SLAMF1: variants seen among roughly 807,000 people sequenced by gnomAD.
The protein encoded by SLAMF1 is signaling lymphocytic activation molecule.
SLAMF1 carries 18 observed loss-of-function variants against 35.1 expected under a neutral mutation model. The observed-to-expected ratio is 0.51, with a 90% CI of 0.35 to 0.76. The LOEUF (loss-of-function observed/expected upper bound fraction) is 0.76. SLAMF1 is among the 30% of genes least tolerant of loss of function. SLAMF1 has a pLI of 0.01. For synonymous variants in SLAMF1, 168 were observed against 157.2 expected (o/e 1.07, Z -0.51); for missense variants, 392 against 413.0 (o/e 0.95, Z 0.44).
chr1:160,642,972 G>A lies in SLAMF1; in HGVS notation c.76+3898C>T, dbSNP rs920266952. Among the ~76,000 whole-genome samples the A allele has an allele frequency of 1.3e-5, 2 of 152,148 alleles. No homozygotes were observed. The highest frequency in any genetic ancestry group is 6.5e-5 in the Admixed American group (1 of 15,280). Reference sequence around the variant, plus strand: ...TTTTTATTAACTTTATCCCAAATGTGCACATGAGATATACTGGATTAGAGT... The same window carrying A: ...TTTTTATTAACTTTATCCCAAATGTACACATGAGATATACTGGATTAGAGT... On this transcript the variant is annotated intron_variant, in intron 1 of 6. Transcript: ENST00000302035. The surrounding 1 kb of genome is among the most constrained non-coding windows in gnomAD (Gnocchi z 4.2).
At chr1:160,617,437 T>A (rs1333596375) in intron 5 of SLAMF1, among the ~76,000 whole-genome samples, 1 of 152,184 alleles carries the variant, frequency 6.6e-6, no homozygotes. Context: ...CCATCAATAG[T>A]CAACTGGATA....
intron 3 of SLAMF1, among the ~76,000 whole-genome samples, chr1:160,627,111 AC>A (rs1283820636): frequency 1.3e-5 from 2 of 152,198 alleles, no homozygotes; most frequent in Non-Finnish European, 2.9e-5. Context: ...TTCTGGGTCT[AC>A]CACTTGATAG....
chr1:160,615,781 G>A (rs757145234), intron 5 of SLAMF1: 4 of 296,766 alleles, frequency 1.3e-5, no homozygotes, highest in African/African-American at 2.3e-5. Flanking sequence ...TATAAGAGAT[G>A]GAAAAGAAGA....
intron 3 of SLAMF1, among the ~76,000 whole-genome samples, chr1:160,631,243 A>G (rs1292738416): frequency 6.6e-6 from 1 of 152,208 alleles, no homozygotes; most frequent in Non-Finnish European, 1.5e-5. Context: ...AATCTGGTAT[A>G]CTGCGCAGGG....
At position 160,610,574 on chromosome 1, in the gene SLAMF1, T is replaced by C; in HGVS notation, c.*174A>G. ...AAGCTAAATTCTTGGGAAGCCTCAC[T>C]TCCTTGTTCATTTCACAGATGTATG... On this transcript the variant is annotated 3_prime_UTR_variant, in exon 7 of 7. Coordinates refer to ENST00000302035, the MANE Select transcript of SLAMF1 (RefSeq NM_003037.5). The C allele has an allele frequency of 1.6e-6, 1 of 620,496 alleles. No homozygotes were observed. Among genetic ancestry groups the C allele is most frequent in the South Asian group, 1.9e-5 (1 of 52,660 alleles). The allele number at this position is 620,496 out of a possible 1,614,324, so 38.4% of individuals were successfully genotyped here.
chr1:160,620,789 A>G (rs1256674359), intron 4 of SLAMF1, among the ~76,000 whole-genome samples: 1 of 152,246 alleles, frequency 6.6e-6, no homozygotes, highest in Non-Finnish European at 1.5e-5. Flanking sequence ...AATGTTCCAT[A>G]TCTGCAGTGT....
intron 6 of SLAMF1, among the ~76,000 whole-genome samples, chr1:160,611,026 G>A (rs531324510): frequency 1.4e-4 from 21 of 152,330 alleles, no homozygotes; most frequent in Admixed American, 5.2e-4. Flanking sequence ...CTATTATGGG[G>A]AGCATGATCT....
At chr1:160,643,930 T>C (rs1424635524) in intron 1 of SLAMF1, among the ~76,000 whole-genome samples, 1 of 152,202 alleles carries the variant, frequency 6.6e-6, no homozygotes, top group East Asian at 1.9e-4. Flanking sequence ...GGGAAATTAG[T>C]CTTCACTAAA....
At chr1:160,628,147 C>T (rs368020402) in intron 3 of SLAMF1, among the ~76,000 whole-genome samples, 3 of 152,186 alleles carry the variant, frequency 2.0e-5, no homozygotes, top group African/African-American at 7.2e-5. Flanking sequence ...TCTTTATTGG[C>T]AGGATGAGAG....
intron 5 of SLAMF1, among the ~76,000 whole-genome samples, chr1:160,616,302 T>C (rs1350257538): frequency 1.3e-5 from 2 of 152,048 alleles, no homozygotes; most frequent in African/African-American, 4.8e-5. Context: ...TTAAGGACAT[T>C]TGAAATATTT....
chr1:160,615,497 A>G (rs991956315), intron 5 of SLAMF1, among the ~76,000 whole-genome samples: 2 of 152,208 alleles, frequency 1.3e-5, no homozygotes, highest in Non-Finnish European at 2.9e-5. Flanking sequence ...TTTCCACCAA[A>G]GAAACCCCAG....
intron 5 of SLAMF1, among the ~76,000 whole-genome samples, chr1:160,618,248 C>T (rs1659417538): frequency 6.6e-6 from 1 of 151,942 alleles, no homozygotes; most frequent in Non-Finnish European, 1.5e-5. Context: ...AAAACTTTTG[C>T]AGAAAAACAA....
chr1:160,643,353 T>C (rs951804804), intron 1 of SLAMF1, among the ~76,000 whole-genome samples: 1 of 152,304 alleles, frequency 6.6e-6, no homozygotes, highest in East Asian at 1.9e-4. Context: ...CACAAGCTTA[T>C]GCTGGCCTGC....
At chr1:160,644,485 G>T (rs1190042198) in intron 1 of SLAMF1, among the ~76,000 whole-genome samples, 1 of 152,224 alleles carries the variant, frequency 6.6e-6, no homozygotes, top group African/African-American at 2.4e-5. Context: ...CAAGTATGCA[G>T]TATATACCAG....
chr1:160,643,487 A>G (rs148079663), intron 1 of SLAMF1, among the ~76,000 whole-genome samples: 2 of 152,352 alleles, frequency 1.3e-5, no homozygotes, highest in Admixed American at 1.3e-4. Flanking sequence ...CAGAGCAATT[A>G]CCTATGCAAA....
intron 5 of SLAMF1, among the ~76,000 whole-genome samples, chr1:160,618,008 G>A (rs906967024): frequency 5.3e-5 from 8 of 152,132 alleles, no homozygotes; most frequent in African/African-American, 1.9e-4. Context: ...AGGAGGCGGA[G>A]GTTGTAGTGA....
At chr1:160,637,609 C>T in intron 1 of SLAMF1, 80 bp from the exon 2 acceptor site, 1 of 1,006,498 alleles carries the variant, frequency 9.9e-7, no homozygotes, top group Non-Finnish European at 1.4e-6. Flanking sequence ...GAAGGACAGA[C>T]TGGAGGCTCT....
intron 1 of SLAMF1, among the ~76,000 whole-genome samples, chr1:160,639,313 C>G (rs1660620613): frequency 6.6e-6 from 1 of 152,084 alleles, no homozygotes; most frequent in African/African-American, 2.4e-5. Flanking sequence ...GCAACCTCTG[C>G]CTCCCGGGCT....
intron 3 of SLAMF1, among the ~76,000 whole-genome samples, chr1:160,629,206 CG>C (rs972357758): frequency 6.6e-6 from 1 of 152,084 alleles, no homozygotes; most frequent in African/African-American, 2.4e-5. Context: ...GTGGTTTAAA[CG>C]TGATAACTTG....
Sources: allele counts gnomAD v4.1 joint callset (sites outside exome capture counted in the v4.1 genomes callset), GRCh38; gene constraint gnomAD v4.1.1; non-coding constraint Gnocchi (gnomAD v3.1); transcripts MANE v1.5; gene names NCBI Gene and HGNC (gene_info 2026-07-23, HGNC 2026-07-21).